The following CFTR variants were observed in gnomAD, a reference collection of about 807,000 sequenced individuals.
CFTR encodes the protein cystic fibrosis transmembrane conductance regulator.
In CFTR, 181 loss-of-function variants were observed where a neutral mutation model predicts 171.6. That is an observed-to-expected ratio of 1.05 (90% CI 0.93 to 1.19). The LOEUF (loss-of-function observed/expected upper bound fraction) is 1.19. Ranked by LOEUF, CFTR falls within the 50% of genes most tolerant of loss-of-function variation. CFTR has a pLI of 0.00. For synonymous variants in CFTR, 583 were observed against 608.0 expected, an observed-to-expected ratio of 0.96 and a Z score of 0.60; for missense variants, 1,968 against 1,734.7, an observed-to-expected ratio of 1.13 and a Z score of -2.39.
intron 6 of CFTR, among the ~76,000 whole-genome samples, chr7:117,535,893 A>G (rs1798946870): frequency 6.6e-6 from 1 of 152,152 alleles, no homozygotes; most frequent in South Asian, 2.1e-4. Context: ...TACATTTTTT[A>G]CTTGTCAGTC....
At chr7:117,580,606 A>AG (rs1791835528) in intron 11 of CFTR, among the ~76,000 whole-genome samples, 1 of 152,056 alleles carries the variant, frequency 6.6e-6, no homozygotes, top group Non-Finnish European at 1.5e-5. Context: ...TTTTATGAGG[A>AG]GGGGTGTGGA....
At chr7:117,598,945 TATC>T (rs1353770257) in intron 15 of CFTR, among the ~76,000 whole-genome samples, 1 of 152,200 alleles carries the variant, frequency 6.6e-6, no homozygotes, top group Non-Finnish European at 1.5e-5. Context: ...TTGTTGCTGT[TATC>T]ATTAATATCC....
At chr7:117,646,372 G>A (rs976481640) in intron 23 of CFTR, among the ~76,000 whole-genome samples, 7 of 152,040 alleles carry the variant, frequency 4.6e-5, no homozygotes, top group African/African-American at 7.2e-5. Context: ...TAATTAAGGC[G>A]GTTCATAAAG....
intron 11 of CFTR, among the ~76,000 whole-genome samples, chr7:117,580,430 A>T (rs1456219927): frequency 6.6e-6 from 1 of 152,062 alleles, no homozygotes; most frequent in Non-Finnish European, 1.5e-5. Flanking sequence ...TGCTAATATA[A>T]ATATAATTCT....
intron 21 of CFTR, among the ~76,000 whole-genome samples, chr7:117,616,758 C>T (rs905655884): frequency 2.0e-5 from 3 of 152,076 alleles, no homozygotes; most frequent in Non-Finnish European, 4.4e-5. Context: ...TGAAAAATAT[C>T]AATATTTGCA....
At chr7:117,626,279 CA>C (rs1263103820) in intron 21 of CFTR, among the ~76,000 whole-genome samples, 1 of 152,062 alleles carries the variant, frequency 6.6e-6, no homozygotes, top group African/African-American at 2.4e-5. Flanking sequence ...CTTTATCCAC[CA>C]ATCATTCCAT....
chr7:117,559,685 A>G, intron 11 of CFTR, 30 bp downstream of exon 11: 2 of 1,494,332 alleles, frequency 1.3e-6, no homozygotes, highest in Non-Finnish European at 1.9e-6. Context: ...CTTTTTGATT[A>G]TGCATATGAA....
intron 24 of CFTR, among the ~76,000 whole-genome samples, chr7:117,658,682 G>C (rs1562927499): frequency 6.6e-6 from 1 of 152,082 alleles, no homozygotes; most frequent in African/African-American, 2.4e-5. Flanking sequence ...CAAGACCTGG[G>C]ACTCATCTTT....
chr7:117,629,682 A>G (rs1174607639), intron 22 of CFTR, among the ~76,000 whole-genome samples: 1 of 152,152 alleles, frequency 6.6e-6, no homozygotes, highest in Non-Finnish European at 1.5e-5. Context: ...TTTGGTGAAC[A>G]TGGGTGACTC....
rs150772285 is a variant in CFTR at position 117,592,386 on chromosome 7, C to T, written c.2219C>T (p.Pro740Leu). 4.3e-6 allele frequency: 7 copies of T among 1,614,044 alleles called. No homozygotes were observed. The highest frequency in any genetic ancestry group is 2.2e-5 in the East Asian group (1 of 44,882). ...TTAGAGAGAAGGCTGTCCTTAGTAC[C>T]AGATTCTGAGCAGGGAGAGGCGATA... ...EPLERRLSLV[P>L]DSEQGEAILP... Residue 740 changes from proline (P) to leucine (L), a missense_variant, in exon 14 of 27, where the codon CCA becomes CTA. Physicochemically the swap from Pro to Leu is moderately conservative, Grantham distance 98 (BLOSUM62 -3). Transcript: ENST00000003084.
At chr7:117,652,219 G>A (rs927316970) in intron 23 of CFTR, among the ~76,000 whole-genome samples, 5 of 152,132 alleles carry the variant, frequency 3.3e-5, no homozygotes, top group Admixed American at 2.0e-4. Flanking sequence ...TTCCTTACCA[G>A]GAACATACAT....
chr7:117,515,340 A>C (rs1283624362), intron 3 of CFTR, among the ~76,000 whole-genome samples: 1 of 152,168 alleles, frequency 6.6e-6, no homozygotes, highest in Non-Finnish European at 1.5e-5. Context: ...AGGTATAAGG[A>C]AGGGGTCCAG....
At chr7:117,650,576 T>A (rs140997923) in intron 23 of CFTR, among the ~76,000 whole-genome samples, 514 of 152,224 alleles carry the variant, frequency 3.4e-3, no homozygotes, top group Non-Finnish European at 5.5e-3. Flanking sequence ...ATCTTTGGCC[T>A]TCCCCCTACC....
intron 1 of CFTR, among the ~76,000 whole-genome samples, chr7:117,495,131 A>T (rs1309837071): frequency 6.6e-6 from 1 of 152,166 alleles, no homozygotes; most frequent in African/African-American, 2.4e-5. Context: ...GAGCAATGGC[A>T]TCCCTTGTCT....
intron 1 of CFTR, among the ~76,000 whole-genome samples, chr7:117,501,903 C>T (rs1480272315): frequency 1.3e-5 from 2 of 151,670 alleles, no homozygotes; most frequent in African/African-American, 4.8e-5. Context: ...GAAAGGTGGA[C>T]TATATTCTAT....
chr7:117,485,466 G>C (rs1798060146), intron 1 of CFTR, among the ~76,000 whole-genome samples: 1 of 152,156 alleles, frequency 6.6e-6, no homozygotes, highest in Non-Finnish European at 1.5e-5. Context: ...CATTATCATG[G>C]AGGAAAACAT....
chr7:117,660,887 T>G (rs1281385973), intron 24 of CFTR, among the ~76,000 whole-genome samples: 1 of 152,090 alleles, frequency 6.6e-6, no homozygotes, highest in Admixed American at 6.6e-5. Context: ...ATAATTTCCT[T>G]TAAGGCAGAG....
Position 117,548,735 on chromosome 7 carries a change from T to C in CFTR, c.1304T>C (p.Leu435Pro), listed in dbSNP as rs760329565. ...AGCCTCTTCTTCAGTAATTTCTCAC[T>C]TCTTGGTACTCCTGTCCTGAAAGAT... is the stretch of plus-strand genomic sequence containing the variant. ...DDSLFFSNFS[L>P]LGTPVLKDIN... The change falls in exon 10 of 27, where the codon CTT (leucine) becomes CCT (proline). Residue 435 changes from leucine (L) to proline (P), a missense_variant. Coordinates refer to ENST00000003084, the MANE Select transcript of CFTR (RefSeq NM_000492.4). 6.2e-7 allele frequency: 1 copy of C among 1,613,226 alleles called. No individual in the cohort carries two copies. The highest frequency in any genetic ancestry group is 2.2e-5 in the East Asian group (1 of 44,854).
At chr7:117,559,901 T>G (rs997625406) in intron 11 of CFTR, among the ~76,000 whole-genome samples, 6 of 152,094 alleles carry the variant, frequency 3.9e-5, no homozygotes, top group Non-Finnish European at 8.8e-5. Context: ...AAATGCATTT[T>G]ATGAAATGGT....
Sources: gnomAD v4.1 joint callset for allele counts (sites outside exome capture counted in the v4.1 genomes callset) on GRCh38, gnomAD v4.1.1 for gene constraint, MANE v1.5 for transcripts, NCBI Gene and HGNC (gene_info 2026-07-23, HGNC 2026-07-21) for gene names.